SMG6: variants seen among roughly 807,000 people sequenced by gnomAD.
SMG6 encodes telomerase-binding protein EST1A.
A neutral mutation model predicts 142.2 loss-of-function variants in SMG6; 66 were observed. The ratio of observed to expected loss-of-function variants is 0.46; its 90% CI spans 0.38 to 0.57. The LOEUF is 0.57. Among genes scored for constraint, SMG6 ranks in the 20% least tolerant of loss-of-function variants. The pLI, the probability that SMG6 is intolerant of heterozygous loss-of-function variation, is 0.00. For missense variants in SMG6, 1,793 were observed against 1,832.0 expected (o/e 0.98, Z 0.39); for synonymous variants, 779 against 702.4 (o/e 1.11, Z -1.72).
At chr17:2,074,591 G>A (rs2068205227) in intron 15 of SMG6, among the ~76,000 whole-genome samples, 1 of 152,164 alleles carries the variant, frequency 6.6e-6, no homozygotes, top group Non-Finnish European at 1.5e-5. Context: ...CAATTTGTTT[G>A]CTATTTCTTA....
intron 10 of SMG6, among the ~76,000 whole-genome samples, chr17:2,198,950 T>TAAAAAAAA (rs55660022): frequency 4.9e-5 from 5 of 102,140 alleles, no homozygotes; most frequent in Admixed American, 1.1e-4. Context: ...AAAATAAAAT[T>TAAAAAAAA]AAAAAAAAAA....
At chr17:2,170,300 G>A (rs1172619075) in intron 13 of SMG6, among the ~76,000 whole-genome samples, 2 of 152,156 alleles carry the variant, frequency 1.3e-5, no homozygotes, top group Non-Finnish European at 2.9e-5. Flanking sequence ...ACACATACGT[G>A]GTATCTGACA....
chr17:2,213,634 TATC>T (rs980302750), intron 10 of SMG6: 1 of 152,228 alleles, frequency 6.6e-6, no homozygotes, highest in African/African-American at 2.4e-5. Flanking sequence ...TTTAAATGCT[TATC>T]AAGCTGAGAG....
intron 13 of SMG6, chr17:2,087,371 A>C: frequency 8.4e-7 from 1 of 1,195,180 alleles, no homozygotes; most frequent in Non-Finnish European, 1.1e-6. Context: ...ACACCGGTCA[A>C]CTGTGTGCTC....
intron 9 of SMG6, chr17:2,240,102 C>T (rs1029843200): frequency 6.6e-6 from 1 of 152,240 alleles, no homozygotes; most frequent in Non-Finnish European, 1.5e-5. Context: ...TCTCCCGAAT[C>T]CGAGATGACT....
chr17:2,303,773 A>G lies in SMG6; in HGVS notation c.-53T>C. ...GGCTCCGCCACCGCCGCGCGCAGCC[A>G]GGAAACCACCACAGACGGGCGGCGC... On this transcript the variant is annotated 5_prime_UTR_variant, in exon 1 of 19. Coordinates refer to ENST00000263073, the MANE Select transcript of SMG6 (RefSeq NM_017575.5). The G allele has an allele frequency of 1.4e-6, 2 of 1,438,090 alleles. No individual in the cohort carries two copies. The highest frequency in any genetic ancestry group is 1.8e-6 in the Non-Finnish European group (2 of 1,083,930). 89.1% of individuals were successfully genotyped at this position (1,438,090 alleles called of 1,614,324 possible).
chr17:2,156,257 G>A (rs188209373), intron 13 of SMG6, among the ~76,000 whole-genome samples: 1 of 151,010 alleles, frequency 6.6e-6, no homozygotes, highest in African/African-American at 2.4e-5. Context: ...GCCGGGCGTG[G>A]TCAGTGGGTG....
In SMG6 at chr17:2,300,057, G is replaced by A; in HGVS notation, c.696C>T (p.Asp232=). Residue 232 remains aspartate, a synonymous_variant, in exon 2 of 19, where the codon GAC becomes GAT. Coordinates refer to ENST00000263073, the MANE Select transcript of SMG6 (RefSeq NM_017575.5). ...CGGAGCCCGGCCTCCCGCGGGCTGG[G>A]TCGTCGTGGGTTTCCCTCACCCCCT... ...KGEGVRETHD[D]PARGRPGSAK... is the part of the protein sequence containing the mutation. 1.2e-6 allele frequency: 2 copies of A among 1,614,176 alleles called. No homozygotes were observed. The highest frequency in any genetic ancestry group is 1.7e-6 in the Non-Finnish European group (2 of 1,180,020).
At chr17:2,159,472 G>A (rs1471286006) in intron 13 of SMG6, among the ~76,000 whole-genome samples, 10 of 151,988 alleles carry the variant, frequency 6.6e-5, no homozygotes, top group South Asian at 4.2e-4. Flanking sequence ...AAACCAAAAT[G>A]AGATACTACT....
At position 2,299,744 on chromosome 17, in the gene SMG6, C is replaced by A. The variant is rs1312273261; in HGVS notation, c.1009G>T (p.Gly337Cys). The A allele has an allele frequency of 6.2e-7, 1 of 1,614,154 alleles. No individual in the cohort carries two copies. The highest frequency in any genetic ancestry group is 2.2e-5 in the East Asian group (1 of 44,888). Residue 337 changes from glycine (G) to cysteine (C), a missense_variant, in exon 2 of 19, where the codon GGT becomes TGT. By Grantham distance (159) the Gly-to-Cys change is radical. This residue lies in a region of SMG6 where 1,597 missense variants were observed against 1,584.6 expected (regional missense o/e 1.01). Transcript: ENST00000263073. The surrounding 1 kb of genome is among the most constrained non-coding windows in gnomAD (Gnocchi z 4.3). ...TCTTTAGCACTGTTTTTCTGCTCAC[C>A]CTCCCCACGGCCAGACCAGTTTCTT... is the stretch of plus-strand genomic sequence containing the variant. ...LERNWSGRGE[G>C]EQKNSAKEYR... is the part of the protein sequence containing the mutation.
intron 9 of SMG6, among the ~76,000 whole-genome samples, chr17:2,242,675 A>G (rs1033922184): frequency 7.5e-6 from 1 of 133,918 alleles, no homozygotes; most frequent in African/African-American, 3.0e-5. Context: ...TAACACAGAC[A>G]GGCTCCATCT....
intron 9 of SMG6, among the ~76,000 whole-genome samples, chr17:2,241,670 C>T (rs546574578): frequency 1.6e-4 from 25 of 152,282 alleles, no homozygotes; most frequent in South Asian, 2.1e-4. Context: ...GGATTATAGG[C>T]GTGAGCCACC....
At chr17:2,289,941 CATATATATAT>C (rs3055883) in intron 6 of SMG6, among the ~76,000 whole-genome samples, 7 of 141,594 alleles carry the variant, frequency 4.9e-5, no homozygotes, top group East Asian at 4.0e-4. Context: ...TTATTTTATA[CATATATATAT>C]ATATATATAT....
At chr17:2,198,442 A>C (rs1000088293) in intron 10 of SMG6, among the ~76,000 whole-genome samples, 1 of 152,182 alleles carries the variant, frequency 6.6e-6, no homozygotes, top group Non-Finnish European at 1.5e-5. Flanking sequence ...ATGAAGCTAC[A>C]TGTGTGATAA....
intron 12 of SMG6, among the ~76,000 whole-genome samples, chr17:2,180,591 G>A (rs1019568692): frequency 1.1e-4 from 16 of 152,168 alleles, no homozygotes; most frequent in African/African-American, 3.1e-4. Context: ...TTGTGGTTTT[G>A]ACTGGAAGGA....
intron 13 of SMG6, among the ~76,000 whole-genome samples, chr17:2,134,740 T>C (rs180701307): frequency 6.6e-6 from 1 of 152,314 alleles, no homozygotes; most frequent in Non-Finnish European, 1.5e-5. Flanking sequence ...AGGAATCTTG[T>C]AATTTTCCAC....
At chr17:2,147,033 A>G (rs2070689291) in intron 13 of SMG6, among the ~76,000 whole-genome samples, 1 of 152,208 alleles carries the variant, frequency 6.6e-6, no homozygotes, top group African/African-American at 2.4e-5. Context: ...TTTTGCTTCA[A>G]AAAGAAAGAA....
At chr17:2,246,918 C>A (rs1001558093) in intron 8 of SMG6, among the ~76,000 whole-genome samples, 1 of 152,176 alleles carries the variant, frequency 6.6e-6, no homozygotes, top group Non-Finnish European at 1.5e-5. Flanking sequence ...TGCACTCCAG[C>A]CTGGACAACA....
chr17:2,297,749 G>A (rs921334294), intron 3 of SMG6, 114 bp downstream of exon 3: 36 of 1,173,324 alleles, frequency 3.1e-5, no homozygotes, highest in Non-Finnish European at 4.2e-5. Flanking sequence ...CAAGAAAAGG[G>A]CAGTTTTTTT....
Sources: allele counts gnomAD v4.1 joint callset (sites outside exome capture counted in the v4.1 genomes callset), GRCh38; gene constraint gnomAD v4.1.1; regional missense constraint gnomAD v4.1.1; non-coding constraint Gnocchi (gnomAD v3.1); transcripts MANE v1.5; gene names NCBI Gene and HGNC (gene_info 2026-07-23, HGNC 2026-07-21).